Variants in SCN8A observed in about 807,000 individuals in gnomAD.
SCN8A encodes sodium voltage-gated channel alpha subunit 8, also known as sodium channel protein type 8 subunit alpha.
SCN8A carries 30 observed loss-of-function variants against 184.1 expected under a neutral mutation model. The ratio of observed to expected loss-of-function variants is 0.16; its 90% CI spans 0.12 to 0.22. The LOEUF is 0.22. Ranked by LOEUF, SCN8A falls within the 10% of genes least tolerant of loss-of-function variation. The probability of loss-of-function intolerance (pLI) is 1.00; values close to 1 mark genes in which losing one functional copy is unlikely to be tolerated. For missense variants in SCN8A, 1,057 were observed against 2,498.9 expected, an observed-to-expected ratio of 0.42 and a Z score of 12.30; for synonymous variants, 852 against 907.0, an observed-to-expected ratio of 0.94 and a Z score of 1.09.
intron 1 of SCN8A, among the ~76,000 whole-genome samples, chr12:51,618,252 T>C (rs1360058009): frequency 6.6e-6 from 1 of 152,104 alleles, no homozygotes; most frequent in Non-Finnish European, 1.5e-5. Context: ...CCACTGCTGC[T>C]TAACTACTGT....
Position 51,721,637 on chromosome 12 carries a change from A to G in SCN8A, c.1727A>G (p.Asp576Gly). 1 of 1,612,086 alleles carries G rather than the reference A, an allele frequency of 6.2e-7. No individual in the cohort carries two copies. The highest frequency in any genetic ancestry group is 8.5e-7 in the Non-Finnish European group (1 of 1,179,118). ...FSFRGPGRFRDPGSENEFADD... is the reference protein window; with the variant it reads ...FSFRGPGRFRGPGSENEFADD... ...TTCAGGGGACCTGGGCGGTTCCGAG[A>G]CCCGGGCTCCGAGAATGAGTTCGCG... Residue 576 changes from aspartate to glycine, a missense_variant, in exon 12 of 27, where the codon GAC becomes GGC. Transcript: ENST00000627620.
chr12:51,690,933 C>CA (rs1396411327), intron 6 of SCN8A, among the ~76,000 whole-genome samples: 1 of 152,062 alleles, frequency 6.6e-6, no homozygotes, highest in African/African-American at 2.4e-5. Context: ...TACTTCTTGG[C>CA]AAAAAACTAC....
intron 26 of SCN8A, among the ~76,000 whole-genome samples, chr12:51,800,295 T>C (rs1938520837): frequency 1.3e-5 from 2 of 152,228 alleles, no homozygotes; most frequent in South Asian, 2.1e-4. Context: ...GCAGCTGCAG[T>C]TGGAGTCGTC....
At position 51,811,955 on chromosome 12, in the gene SCN8A, T is replaced by TC. The variant is rs1565937511; in HGVS notation, c.*4530dup. 2 of 152,242 alleles carry TC rather than the reference T, an allele frequency of 1.3e-5. No individual in the cohort carries two copies. Among genetic ancestry groups the TC allele is most frequent in the East Asian group, 3.9e-4 (2 of 5,178 alleles). 9.4% of individuals were successfully genotyped at this position (152,242 alleles called of 1,614,324 possible). A position where few individuals can be genotyped will look rare whatever the true frequency, so the allele number is the denominator to read the frequency against. On this transcript the variant is annotated 3_prime_UTR_variant, in exon 27 of 27. Coordinates refer to ENST00000627620, the MANE Select transcript of SCN8A (RefSeq NM_001330260.2). ...AAAAGCTTCGTTCATTTTCAGGTAC[T>TC]CCCCACCCCCTAAAGAATTGGCTGC...
chr12:51,604,588 G>A (rs1939543488), intron 1 of SCN8A, among the ~76,000 whole-genome samples: 3 of 152,012 alleles, frequency 2.0e-5, no homozygotes, highest in Admixed American at 6.6e-5. Flanking sequence ...TGGAGTGCAT[G>A]TCACGATCTC....
intron 1 of SCN8A, 119 bp downstream of exon 1, chr12:51,591,478 G>C (rs1346344158): frequency 1.3e-5 from 2 of 152,706 alleles, no homozygotes; most frequent in Non-Finnish European, 2.9e-5. Flanking sequence ...GCCGCAGAGT[G>C]CGCGGCGGGG....
chr12:51,733,009 A>G (rs933041456), intron 12 of SCN8A, among the ~76,000 whole-genome samples: 1 of 152,154 alleles, frequency 6.6e-6, no homozygotes, highest in African/African-American at 2.4e-5. Context: ...AACAAGGATA[A>G]TTTGACTTCT....
At chr12:51,796,705 A>C (rs1053519910) in intron 26 of SCN8A, among the ~76,000 whole-genome samples, 4 of 152,174 alleles carry the variant, frequency 2.6e-5, no homozygotes, top group African/African-American at 9.7e-5. Context: ...TCTGAGTCTC[A>C]AATCCTCAAA....
intron 1 of SCN8A, among the ~76,000 whole-genome samples, chr12:51,615,418 G>A (rs894187939): frequency 2.6e-5 from 4 of 152,144 alleles, no homozygotes; most frequent in Non-Finnish European, 5.9e-5. Flanking sequence ...AGTGGGCGTG[G>A]TGGCTCATGC....
chr12:51,605,982 G>C (rs1384234397), intron 1 of SCN8A, among the ~76,000 whole-genome samples: 3 of 152,116 alleles, frequency 2.0e-5, no homozygotes, highest in Non-Finnish European at 4.4e-5. Context: ...GTTCATTGTA[G>C]ATTCTGGTTA....
chr12:51,667,502 G>A (rs1342521970), intron 2 of SCN8A, among the ~76,000 whole-genome samples: 2 of 151,850 alleles, frequency 1.3e-5, no homozygotes, highest in Non-Finnish European at 2.9e-5. Context: ...ATACGCATGC[G>A]CCACCACATC....
chr12:51,675,369 C>G (rs1941205767), intron 2 of SCN8A, among the ~76,000 whole-genome samples: 1 of 152,162 alleles, frequency 6.6e-6, no homozygotes, highest in South Asian at 2.1e-4. Context: ...GAAGTGTATG[C>G]AGAAGCACCT....
chr12:51,690,185 A>T (rs1941483115), intron 6 of SCN8A, among the ~76,000 whole-genome samples: 1 of 151,978 alleles, frequency 6.6e-6, no homozygotes, highest in African/African-American at 2.4e-5. Flanking sequence ...TGCTCTTTGG[A>T]CTTTAGTTGT....
At chr12:51,681,175 C>G (rs1055330457) in intron 2 of SCN8A, among the ~76,000 whole-genome samples, 4 of 152,120 alleles carry the variant, frequency 2.6e-5, no homozygotes, top group African/African-American at 9.7e-5. Context: ...CCCGGGGACT[C>G]AAATTTCTCA....
At chr12:51,750,646 T>C (rs528552931) in intron 13 of SCN8A, among the ~76,000 whole-genome samples, 1 of 152,300 alleles carries the variant, frequency 6.6e-6, no homozygotes, top group East Asian at 1.9e-4. Context: ...ATGAAGATAA[T>C]AATAATAGCA....
chr12:51,616,301 C>T (rs1939834952), intron 1 of SCN8A, among the ~76,000 whole-genome samples: 2 of 152,128 alleles, frequency 1.3e-5, no homozygotes, highest in Admixed American at 1.3e-4. Flanking sequence ...TCTGGGTTGA[C>T]ATTTGTTTCT....
intron 22 of SCN8A, among the ~76,000 whole-genome samples, chr12:51,788,287 C>CTTTTTTTTTTTTTTTTTTT (rs66672221): frequency 3.6e-5 from 3 of 84,008 alleles, no homozygotes; most frequent in African/African-American, 1.0e-4. Context: ...CGCTTAACAC[C>CTTTTTTTTTTTTTTTTTTT]TTTTTTTTTT....
intron 12 of SCN8A, among the ~76,000 whole-genome samples, chr12:51,733,666 G>A (rs1014793720): frequency 6.6e-6 from 1 of 151,976 alleles, no homozygotes; most frequent in Admixed American, 6.6e-5. Context: ...TTTAAATGTT[G>A]GTTAAAACTC....
At position 51,769,860 on chromosome 12, in the gene SCN8A, G is replaced by A. The variant is rs1275858718; in HGVS notation, c.3373-8G>A. ...GCTGCCTGATCTCCCTTTTCCTTGC[G>A]TGTCTAGAAACTAGATGACACCAGC... On this transcript the variant is annotated splice_polypyrimidine_tract_variant and splice_region_variant and intron_variant, in intron 17 of 26. Coordinates refer to ENST00000627620, the MANE Select transcript of SCN8A (RefSeq NM_001330260.2). 10 of 1,571,968 alleles carry A rather than the reference G, an allele frequency of 6.4e-6. No individual in the cohort carries two copies. The highest frequency in any genetic ancestry group is 4.6e-5 in the East Asian group (2 of 43,582).
Sources: gnomAD v4.1 joint callset for allele counts (sites outside exome capture counted in the v4.1 genomes callset) on GRCh38, gnomAD v4.1.1 for gene constraint, MANE v1.5 for transcripts, NCBI Gene and HGNC (gene_info 2026-07-23, HGNC 2026-07-21) for gene names.